The following SLIT2 variants were observed in gnomAD, a reference collection of about 807,000 sequenced individuals.
The protein encoded by SLIT2 is slit guidance ligand 2.
A neutral mutation model predicts 185.7 loss-of-function variants in SLIT2; 41 were observed. That is an observed-to-expected ratio of 0.22 (90% confidence interval 0.17 to 0.29). SLIT2 has a LOEUF of 0.29. SLIT2 is among the 10% of genes least tolerant of loss of function. SLIT2 has a pLI of 1.00. For missense variants in SLIT2, 1,571 were observed against 1,909.0 expected, an observed-to-expected ratio of 0.82 and a Z score of 3.30; for synonymous variants, 693 against 680.2, an observed-to-expected ratio of 1.02 and a Z score of -0.29.
chr4:20,320,750 G>T (rs1315129682), intron 4 of SLIT2, among the ~76,000 whole-genome samples: 2 of 152,072 alleles, frequency 1.3e-5, no homozygotes, highest in Non-Finnish European at 2.9e-5. Context: ...TTTTGTACAG[G>T]ATGTACAGAT....
chr4:20,566,468 A>G (rs1725102111), intron 26 of SLIT2, among the ~76,000 whole-genome samples: 1 of 152,096 alleles, frequency 6.6e-6, no homozygotes, highest in East Asian at 1.9e-4. Context: ...TCCAATAAGT[A>G]TTTGTGAACA....
At position 20,427,041 on chromosome 4, in the gene SLIT2, C is replaced by G. The variant is rs143488061; in HGVS notation, c.396-40711C>G. 2.2e-3 allele frequency among the ~76,000 whole-genome samples: 336 copies of G among 152,244 alleles called. 1 individual carries two copies. Among genetic ancestry groups the G allele is most frequent in the African/African-American group, 7.8e-3 (324 of 41,558 alleles). On this transcript the variant is annotated intron_variant, in intron 4 of 36. Coordinates refer to ENST00000504154, the MANE Select transcript of SLIT2 (RefSeq NM_004787.4). ...ATGTAACATTTATGGTATAGCTGTCCTGAGCTTAAGAAGTATGTTTATCTC... is the reference window on the plus strand; with the variant it reads ...ATGTAACATTTATGGTATAGCTGTCGTGAGCTTAAGAAGTATGTTTATCTC...
At chr4:20,477,860 C>A (rs1379781316) in intron 5 of SLIT2, among the ~76,000 whole-genome samples, 1 of 152,112 alleles carries the variant, frequency 6.6e-6, no homozygotes, top group Non-Finnish European at 1.5e-5. Flanking sequence ...TTTCGTAGCA[C>A]AATTGCAAAT....
chr4:20,522,842 G>T (rs1431006440), intron 12 of SLIT2, among the ~76,000 whole-genome samples: 1 of 152,156 alleles, frequency 6.6e-6, no homozygotes, highest in East Asian at 1.9e-4. Context: ...TATGTGCTGG[G>T]CAGTCTGGGA....
intron 4 of SLIT2, among the ~76,000 whole-genome samples, chr4:20,412,226 G>A (rs900612551): frequency 1.3e-5 from 2 of 151,432 alleles, no homozygotes; most frequent in Admixed American, 6.6e-5. Context: ...GAATGCTCAC[G>A]TTCTTGATTT....
chr4:20,619,146 AG>A lies in SLIT2; in HGVS notation c.*138del. ...AGACTTATTTTTATTATGAGAATAA[AG>A]ACTTTTTTTCTGCATTTGGAAAAAA... On this transcript the variant is annotated 3_prime_UTR_variant, in exon 37 of 37. Coordinates refer to ENST00000504154, the MANE Select transcript of SLIT2 (RefSeq NM_004787.4). 1 of 924,516 alleles carries A rather than the reference AG, an allele frequency of 1.1e-6. No homozygotes were observed. The highest frequency in any genetic ancestry group is 1.5e-6 in the Non-Finnish European group (1 of 657,742). The allele number at this position is 924,516 out of a possible 1,614,324, so 57.3% of individuals were successfully genotyped here. A position where few individuals can be genotyped will look rare whatever the true frequency, so the allele number is the denominator to read the frequency against.
rs377703703 is a variant in SLIT2 at position 20,253,798 on chromosome 4, A to G, written c.-18A>G. On this transcript the variant is annotated 5_prime_UTR_variant, in exon 1 of 37. Coordinates refer to ENST00000504154, the MANE Select transcript of SLIT2 (RefSeq NM_004787.4). Reference sequence around the variant, plus strand: ...AGAAAGCCCCCAGTGCCGGCGAGGAAGGAGGCGGCGGGGAAAGATGCGCGG... The same window carrying G: ...AGAAAGCCCCCAGTGCCGGCGAGGAGGGAGGCGGCGGGGAAAGATGCGCGG... 38 of 1,596,612 alleles carry G rather than the reference A, an allele frequency of 2.4e-5. No homozygotes were observed. In the African/African-American group the frequency reaches 3.5e-4, roughly 15 times the overall value.
At chr4:20,424,443 C>G (rs1445978474) in intron 4 of SLIT2, among the ~76,000 whole-genome samples, 1 of 151,974 alleles carries the variant, frequency 6.6e-6, no homozygotes, top group African/African-American at 2.4e-5. Context: ...TCAAAAATAC[C>G]AGGCATGTTA....
chr4:20,596,896 A>T (rs959362148), intron 32 of SLIT2, among the ~76,000 whole-genome samples: 14 of 151,278 alleles, frequency 9.3e-5, no homozygotes, highest in African/African-American at 3.4e-4. Context: ...AAAAAAAAAT[A>T]TGTCTCTTTG....
intron 4 of SLIT2, among the ~76,000 whole-genome samples, chr4:20,399,585 A>G (rs986656796): frequency 1.2e-4 from 18 of 151,842 alleles, no homozygotes; most frequent in African/African-American, 4.3e-4. Flanking sequence ...GACTCAGTCT[A>G]CAAGTGTTCC....
chr4:20,606,661 G>C (rs1728817784), intron 33 of SLIT2, among the ~76,000 whole-genome samples: 2 of 152,164 alleles, frequency 1.3e-5, no homozygotes, highest in Non-Finnish European at 2.9e-5. Flanking sequence ...GAAAAGTATA[G>C]TCAGTCTATC....
At chr4:20,355,331 T>G (rs6846187) in intron 4 of SLIT2, among the ~76,000 whole-genome samples, 31,713 of 152,176 alleles carry the variant, frequency 0.21, 3,690 homozygotes, top group Non-Finnish European at 0.27. Context: ...TGCAGAGCCA[T>G]TGAATGGGGT....
intron 4 of SLIT2, among the ~76,000 whole-genome samples, chr4:20,359,256 G>A (rs1047118988): frequency 6.6e-6 from 1 of 152,084 alleles, no homozygotes; most frequent in African/African-American, 2.4e-5. Context: ...GTGAAAGGAG[G>A]AAAGGAACTT....
At chr4:20,302,863 T>C (rs1461858147) in intron 4 of SLIT2, among the ~76,000 whole-genome samples, 1 of 152,216 alleles carries the variant, frequency 6.6e-6, no homozygotes, top group Non-Finnish European at 1.5e-5. Flanking sequence ...TTGTATCTGA[T>C]TGTATATGAC....
intron 4 of SLIT2, among the ~76,000 whole-genome samples, chr4:20,365,644 G>A: frequency 6.6e-6 from 1 of 152,124 alleles, no homozygotes. Flanking sequence ...AGTCATGGCT[G>A]CCCCTACCTG....
intron 4 of SLIT2, among the ~76,000 whole-genome samples, chr4:20,409,115 A>T (rs1727002652): frequency 6.6e-6 from 1 of 152,122 alleles, no homozygotes; most frequent in Non-Finnish European, 1.5e-5. Flanking sequence ...CAGGATGTGC[A>T]GGTTGGTTAC....
intron 4 of SLIT2, among the ~76,000 whole-genome samples, chr4:20,451,543 A>G (rs1023844686): frequency 1.1e-4 from 16 of 152,358 alleles, no homozygotes; most frequent in Admixed American, 7.8e-4. Flanking sequence ...CACACATAAC[A>G]TATATGTTGG....
At chr4:20,538,052 C>T (rs926636159) in intron 18 of SLIT2, among the ~76,000 whole-genome samples, 9 of 152,154 alleles carry the variant, frequency 5.9e-5, no homozygotes, top group African/African-American at 1.7e-4. Context: ...CTCCACCTCC[C>T]GGGTTCACGC....
At chr4:20,266,119 G>A (rs1198566612) in intron 3 of SLIT2, among the ~76,000 whole-genome samples, 8 of 151,202 alleles carry the variant, frequency 5.3e-5, no homozygotes, top group Non-Finnish European at 1.2e-4. Flanking sequence ...TAGAACACAT[G>A]TTAGCTATTA....
Sources: allele counts gnomAD v4.1 joint callset (sites outside exome capture counted in the v4.1 genomes callset), GRCh38; gene constraint gnomAD v4.1.1; transcripts MANE v1.5; gene names NCBI Gene and HGNC (gene_info 2026-07-23, HGNC 2026-07-21).